The following SNX29 variants were observed in gnomAD, a reference collection of about 807,000 sequenced individuals.
SNX29 encodes sorting nexin 29.
A neutral mutation model predicts 102.1 loss-of-function variants in SNX29; 78 were observed. The observed-to-expected ratio is 0.76, with a 90% CI of 0.64 to 0.92. The LOEUF is 0.92. Among genes scored for constraint, SNX29 ranks in the 40% least tolerant of loss-of-function variants. The probability of loss-of-function intolerance (pLI) is 0.00; values close to 1 mark genes in which losing one functional copy is unlikely to be tolerated. For missense variants in SNX29, 1,280 were observed against 1,061.7 expected (o/e 1.21, Z -2.86); for synonymous variants, 580 against 414.5 (o/e 1.40, Z -4.85).
chr16:12,371,595 G>A (rs775980853), intron 16 of SNX29, among the ~76,000 whole-genome samples: 1 of 152,176 alleles, frequency 6.6e-6, no homozygotes, highest in Non-Finnish European at 1.5e-5. Flanking sequence ...GTGAGCCACT[G>A]CACCCAGCCA....
At chr16:12,443,407 A>C (rs879419045) in intron 18 of SNX29, 2 of 160,328 alleles carry the variant, frequency 1.2e-5, no homozygotes, top group Non-Finnish European at 2.7e-5. Flanking sequence ...AAAAACACAC[A>C]ATCCTCACTG....
chr16:12,069,730 G>A (rs2051202490), intron 10 of SNX29, among the ~76,000 whole-genome samples: 1 of 152,066 alleles, frequency 6.6e-6, no homozygotes, highest in Admixed American at 6.6e-5. Context: ...TCGCTGTGTT[G>A]CCCAGGCTGG....
chr16:12,326,049 G>A (rs770608230), intron 15 of SNX29, among the ~76,000 whole-genome samples: 2 of 151,222 alleles, frequency 1.3e-5, no homozygotes, highest in African/African-American at 2.4e-5. Context: ...TTTTTGAGAT[G>A]GAGCCTCACT....
At chr16:12,033,742 G>A (rs940269733) in intron 4 of SNX29, among the ~76,000 whole-genome samples, 2 of 151,922 alleles carry the variant, frequency 1.3e-5, no homozygotes, top group African/African-American at 4.8e-5. Context: ...GAGTAGCTGC[G>A]ATTACAGGTG....
intron 15 of SNX29, among the ~76,000 whole-genome samples, chr16:12,319,193 T>G (rs1301956370): frequency 6.6e-6 from 1 of 152,186 alleles, no homozygotes; most frequent in Non-Finnish European, 1.5e-5. Flanking sequence ...ATATTTAACT[T>G]AACCACTCAG....
chr16:12,088,220 G>T, intron 11 of SNX29: 1 of 422,678 alleles, frequency 2.4e-6, no homozygotes, highest in Non-Finnish European at 4.8e-6. Context: ...AACAGATCTG[G>T]TCAGCTGATC....
chr16:12,550,704 A>C (rs2077919694), intron 20 of SNX29, among the ~76,000 whole-genome samples: 1 of 152,216 alleles, frequency 6.6e-6, no homozygotes, highest in African/African-American at 2.4e-5. Flanking sequence ...CACCCCCCTC[A>C]TGCTCTTATT....
chr16:12,334,478 T>C (rs1043909079), intron 15 of SNX29, among the ~76,000 whole-genome samples: 2 of 152,152 alleles, frequency 1.3e-5, no homozygotes, highest in Admixed American at 6.5e-5. Flanking sequence ...TTTCACTTAA[T>C]CTTGATGCAT....
intron 20 of SNX29, among the ~76,000 whole-genome samples, chr16:12,548,730 G>C (rs995449043): frequency 6.6e-6 from 1 of 152,126 alleles, no homozygotes. Context: ...GTACATCCAG[G>C]GCTCCAAGGT....
At chr16:12,463,369 T>C (rs2086898581) in intron 18 of SNX29, among the ~76,000 whole-genome samples, 1 of 152,174 alleles carries the variant, frequency 6.6e-6, no homozygotes, top group Admixed American at 6.5e-5. Context: ...AGAGCTTTAA[T>C]TGGACTCACA....
intron 14 of SNX29, among the ~76,000 whole-genome samples, chr16:12,247,518 A>G (rs1258872128): frequency 1.3e-5 from 2 of 152,184 alleles, no homozygotes; most frequent in Non-Finnish European, 2.9e-5. Context: ...TGCAGTGAGC[A>G]GTGACTTGTC....
chr16:12,168,599 G>C (rs376214808), intron 13 of SNX29, among the ~76,000 whole-genome samples: 1 of 152,170 alleles, frequency 6.6e-6, no homozygotes, highest in African/African-American at 2.4e-5. Flanking sequence ...CTTGGCCGTA[G>C]CACAGGGGCA....
intron 14 of SNX29, among the ~76,000 whole-genome samples, chr16:12,204,673 G>C (rs1220574564): frequency 6.6e-6 from 1 of 152,214 alleles, no homozygotes; most frequent in African/African-American, 2.4e-5. Flanking sequence ...ACAGATGAGG[G>C]AGGCTTGGGA....
At chr16:12,255,582 C>T (rs2078548354) in intron 14 of SNX29, among the ~76,000 whole-genome samples, 1 of 149,836 alleles carries the variant, frequency 6.7e-6, no homozygotes, top group East Asian at 1.9e-4. Context: ...CCATTCTGCT[C>T]TCTGCTTCTA....
chr16:12,557,272 C>G (rs995091376), intron 20 of SNX29: 1 of 152,236 alleles, frequency 6.6e-6, no homozygotes, highest in African/African-American at 2.4e-5. Flanking sequence ...GTGGGGAGTG[C>G]AGGCAGAAGA....
At chr16:12,438,433 C>T (rs949176043) in intron 18 of SNX29, among the ~76,000 whole-genome samples, 4 of 152,120 alleles carry the variant, frequency 2.6e-5, no homozygotes, top group African/African-American at 9.7e-5. Flanking sequence ...CATTTACCCG[C>T]TCACTCCAGC....
intron 15 of SNX29, among the ~76,000 whole-genome samples, chr16:12,335,944 C>T (rs1158054558): frequency 1.3e-5 from 2 of 151,840 alleles, no homozygotes; most frequent in Non-Finnish European, 2.9e-5. Context: ...ACTCCACCTC[C>T]ACCGCTACCC....
intron 15 of SNX29, among the ~76,000 whole-genome samples, chr16:12,294,652 C>T (rs1340443669): frequency 1.3e-5 from 2 of 152,180 alleles, no homozygotes; most frequent in Non-Finnish European, 2.9e-5. Context: ...CACAGTTCCT[C>T]TCTGGGTAGG....
intron 13 of SNX29, among the ~76,000 whole-genome samples, chr16:12,159,742 A>C (rs1441287331): frequency 5.3e-5 from 8 of 152,138 alleles, no homozygotes; most frequent in Non-Finnish European, 7.3e-5. Flanking sequence ...AGGAAAGGAA[A>C]TCCCCAGTAG....
Sources: allele counts gnomAD v4.1 joint callset (sites outside exome capture counted in the v4.1 genomes callset), GRCh38; gene constraint gnomAD v4.1.1; transcripts MANE v1.5; gene names NCBI Gene and HGNC (gene_info 2026-07-23, HGNC 2026-07-21).